The following CIAO2A variants were observed in gnomAD, a reference collection of about 807,000 sequenced individuals.
The protein encoded by CIAO2A is MIP18 family protein FAM96A.
In CIAO2A, 17 loss-of-function variants were observed where a neutral mutation model predicts 22.4. That is an observed-to-expected ratio of 0.76 (90% CI 0.52 to 1.14). CIAO2A has a LOEUF of 1.14. Ranked by LOEUF, CIAO2A falls within the 50% of genes most tolerant of loss-of-function variation. The pLI, the probability that CIAO2A is intolerant of heterozygous loss-of-function variation, is 0.00. For missense variants in CIAO2A, 192 were observed against 191.4 expected (o/e 1.00, Z -0.02); for synonymous variants, 74 against 72.3 (o/e 1.02, Z -0.12).
intron 2 of CIAO2A, among the ~76,000 whole-genome samples, chr15:64,087,422 T>A (rs2080806698): frequency 1.3e-5 from 2 of 151,698 alleles, no homozygotes; most frequent in Middle Eastern, 3.2e-3. Context: ...GGAGATGGGG[T>A]TTCACCATGT....
intron 2 of CIAO2A, among the ~76,000 whole-genome samples, chr15:64,086,882 GGATTACAGGTGT>G (rs1393778935): frequency 6.6e-6 from 1 of 151,650 alleles, no homozygotes; most frequent in Non-Finnish European, 1.5e-5. Flanking sequence ...CAAAGTGCTG[GGATTACAGGTGT>G]GAGCCGCCAT....
At chr15:64,075,792 G>C (rs1452092662) in intron 3 of CIAO2A, among the ~76,000 whole-genome samples, 2 of 151,758 alleles carry the variant, frequency 1.3e-5, no homozygotes, top group Non-Finnish European at 2.9e-5. Flanking sequence ...TGGAATTACA[G>C]GCAGACGCCA....
In CIAO2A at chr15:64,090,689, G is replaced by C. The variant is rs2080833644; in HGVS notation, c.125-1838C>G. On this transcript the variant is annotated intron_variant, in intron 1 of 4. Transcript: ENST00000300030. ...GCTGTAAGAAAGCAGTTTCAGTAGA[G>C]AGTGCGTGCGCTGAAGCCAGCTTGC... 2.6e-5 allele frequency among the ~76,000 whole-genome samples: 4 copies of C among 152,304 alleles called. No individual in the cohort carries two copies. In the South Asian group the frequency reaches 8.3e-4, roughly 32 times the overall value.
At chr15:64,074,638 G>A (rs2080703056) in intron 4 of CIAO2A, 2 of 152,136 alleles carry the variant, frequency 1.3e-5, no homozygotes, top group South Asian at 4.1e-4. Flanking sequence ...CAGTTTTCAT[G>A]ACAGTACCTA....
chr15:64,081,283 A>G (rs906473234), intron 2 of CIAO2A, 132 bp from the exon 3 acceptor site: 14 of 690,898 alleles, frequency 2.0e-5, no homozygotes, highest in African/African-American at 7.3e-5. Flanking sequence ...AATCCAGAGC[A>G]GAGCTCCTTT....
chr15:64,085,021 G>T (rs530375489), intron 2 of CIAO2A, among the ~76,000 whole-genome samples: 1,514 of 118,268 alleles, frequency 0.013, 23 homozygotes, highest in Non-Finnish European at 0.021. Flanking sequence ...GAACCTGGGA[G>T]GTGGAAGCTC....
intron 3 of CIAO2A, among the ~76,000 whole-genome samples, chr15:64,078,820 G>A (rs1238480427): frequency 6.6e-6 from 1 of 152,084 alleles, no homozygotes; most frequent in Non-Finnish European, 1.5e-5. Context: ...AAGGCGGGAG[G>A]ACTGCTTGAG....
intron 4 of CIAO2A, 183 bp downstream of exon 4, chr15:64,075,309 T>C (rs2080708681): frequency 5.9e-6 from 3 of 510,200 alleles, no homozygotes; most frequent in Non-Finnish European, 1.0e-5. Flanking sequence ...GCACTCGGAG[T>C]CCACTGCAAA....
intron 2 of CIAO2A, among the ~76,000 whole-genome samples, chr15:64,082,808 A>G (rs535806503): frequency 6.6e-6 from 1 of 152,298 alleles, no homozygotes; most frequent in South Asian, 2.1e-4. Flanking sequence ...CATAACTGAG[A>G]TACTTTGGGT....
At chr15:64,074,506 T>C (rs1168183525) in intron 4 of CIAO2A, 1 of 152,256 alleles carries the variant, frequency 6.6e-6, no homozygotes, top group Non-Finnish European at 1.5e-5. Flanking sequence ...TTAGGGTACC[T>C]AAACTCTTAT....
intron 2 of CIAO2A, among the ~76,000 whole-genome samples, chr15:64,083,280 T>C (rs948512725): frequency 2.6e-5 from 4 of 152,082 alleles, no homozygotes; most frequent in African/African-American, 9.7e-5. Flanking sequence ...AGGTAGGTGA[T>C]TTAACATTAC....
At chr15:64,074,793 T>C (rs552071091) in intron 4 of CIAO2A, 1 of 152,298 alleles carries the variant, frequency 6.6e-6, no homozygotes, top group African/African-American at 2.4e-5. Context: ...ACTGTTGCTC[T>C]TCCTCTATTA....
intron 1 of CIAO2A, among the ~76,000 whole-genome samples, chr15:64,093,174 G>A (rs2080856749): frequency 6.6e-6 from 1 of 152,216 alleles, no homozygotes; most frequent in Admixed American, 6.5e-5. Context: ...TTGCCGGATA[G>A]AGTGGCTGTG....
At chr15:64,075,927 G>C (rs1409634905) in intron 3 of CIAO2A, among the ~76,000 whole-genome samples, 1 of 151,352 alleles carries the variant, frequency 6.6e-6, no homozygotes, top group Non-Finnish European at 1.5e-5. Context: ...CCAAAGTGTT[G>C]GGATTACAGG....
rs749545370 is a variant in CIAO2A at position 64,088,790 on chromosome 15, G to T, written c.186C>A (p.Val62=). 6.2e-7 allele frequency: 1 copy of T among 1,613,860 alleles called. No individual in the cohort carries two copies. The highest frequency in any genetic ancestry group is 8.5e-7 in the Non-Finnish European group (1 of 1,179,984). The change falls in exon 2 of 5, where the codon GTC becomes GTA. Residue 62 remains valine, a synonymous_variant. Transcript: ENST00000300030. ...KPNTLEELEV[V]SESCVEVQEI... ...CCTGAACTTCCACACAACTTTCCGA[G>T]ACCACTTCCAGTTCTTCTAAAGTAT... is the stretch of plus-strand genomic sequence containing the variant.
chr15:64,079,204 A>G (rs1389994998), intron 3 of CIAO2A, among the ~76,000 whole-genome samples: 3 of 152,176 alleles, frequency 2.0e-5, no homozygotes, highest in African/African-American at 7.2e-5. Flanking sequence ...ATCAGGACTG[A>G]TATCATGGAA....
chr15:64,085,355 A>C (rs1311171989), intron 2 of CIAO2A, among the ~76,000 whole-genome samples: 1 of 152,104 alleles, frequency 6.6e-6, no homozygotes. Flanking sequence ...AAAACTAGCC[A>C]GGCATAGTGG....
chr15:64,075,366 G>C, intron 4 of CIAO2A, 126 bp downstream of exon 4: 1 of 604,912 alleles, frequency 1.7e-6, no homozygotes, highest in African/African-American at 1.9e-5. Context: ...GGAAGGAAGA[G>C]CCAATAACCA....
In CIAO2A at chr15:64,078,992, A is replaced by T. The variant is rs116951232; in HGVS notation, c.339+2110T>A. 2.6e-4 allele frequency among the ~76,000 whole-genome samples: 39 copies of T among 152,246 alleles called. No individual in the cohort carries two copies. In the East Asian group the frequency reaches 7.5e-3, roughly 29 times the overall value. ...GGAGATCAAAGGTTCAGTGAGCTGT[A>T]ATCATACCACTATATTCCAGCTTGG... On this transcript the variant is annotated intron_variant, in intron 3 of 4. Coordinates refer to ENST00000300030, the MANE Select transcript of CIAO2A (RefSeq NM_032231.7).
Sources: allele counts gnomAD v4.1 joint callset (sites outside exome capture counted in the v4.1 genomes callset), GRCh38; gene constraint gnomAD v4.1.1; transcripts MANE v1.5; gene names NCBI Gene and HGNC (gene_info 2026-07-23, HGNC 2026-07-21).